Variants in TDRD7 observed in about 807,000 individuals in gnomAD.
The protein encoded by TDRD7 is tudor domain containing 7.
In TDRD7, 47 loss-of-function variants were observed where a neutral mutation model predicts 109.8. The ratio of observed to expected loss-of-function variants is 0.43; its 90% CI spans 0.34 to 0.55. The LOEUF is 0.55. Ranked by LOEUF, TDRD7 falls within the 20% of genes least tolerant of loss-of-function variation. The pLI is 0.03. For missense variants in TDRD7, 1,164 were observed against 1,319.2 expected, an observed-to-expected ratio of 0.88 and a Z score of 1.82; for synonymous variants, 424 against 457.3, an observed-to-expected ratio of 0.93 and a Z score of 0.93.
At chr9:97,429,621 A>G (rs1442391097) in intron 2 of TDRD7, among the ~76,000 whole-genome samples, 1 of 152,234 alleles carries the variant, frequency 6.6e-6, no homozygotes, top group Non-Finnish European at 1.5e-5. Flanking sequence ...ATATAAATTA[A>G]TTAAATGTTA....
chr9:97,481,417 C>G (rs1278144145), intron 14 of TDRD7, among the ~76,000 whole-genome samples: 1 of 152,198 alleles, frequency 6.6e-6, no homozygotes, highest in Non-Finnish European at 1.5e-5. Flanking sequence ...ACTTATTTCA[C>G]TAGCTCTTGT....
chr9:97,494,423 T>A (rs1458199928), intron 16 of TDRD7, among the ~76,000 whole-genome samples: 1 of 152,182 alleles, frequency 6.6e-6, no homozygotes, highest in Non-Finnish European at 1.5e-5. Context: ...TGTGGAATCA[T>A]CTTTTACCTT....
chr9:97,480,960 G>C, intron 14 of TDRD7, 22 bp downstream of exon 14: 1 of 1,598,274 alleles, frequency 6.3e-7, no homozygotes, highest in Non-Finnish European at 8.6e-7. Context: ...TGTTGGGCCT[G>C]ATACATTTAG....
intron 16 of TDRD7, 107 bp downstream of exon 16, chr9:97,487,439 T>G: frequency 6.6e-7 from 1 of 1,511,280 alleles, no homozygotes; most frequent in Non-Finnish European, 9.2e-7. Context: ...TTAGGTATGT[T>G]GGGTTTTTGT....
At chr9:97,435,968 A>G (rs998378329) in intron 4 of TDRD7, among the ~76,000 whole-genome samples, 10 of 152,194 alleles carry the variant, frequency 6.6e-5, no homozygotes, top group Non-Finnish European at 1.5e-4. Context: ...AAATTCACAC[A>G]TGTACATTTA....
intron 1 of TDRD7, among the ~76,000 whole-genome samples, chr9:97,414,594 T>G (rs1024168459): frequency 2.0e-5 from 3 of 152,230 alleles, no homozygotes; most frequent in Non-Finnish European, 4.4e-5. Context: ...CTCAGGGTTT[T>G]TTCGTCTAGT....
At position 97,478,426 on chromosome 9, in the gene TDRD7, TATCTC is replaced by T; in HGVS notation, c.2167-10_2167-6del. On this transcript the variant is annotated splice_polypyrimidine_tract_variant and splice_region_variant and intron_variant, in intron 12 of 16. Coordinates refer to ENST00000355295, the MANE Select transcript of TDRD7 (RefSeq NM_014290.3). ...ATATGCTAATAAATGAGCCAACACT[TATCTC>T]ATTTCAGATCACAAATGTTCACAGC... The T allele has an allele frequency of 6.2e-7, 1 of 1,614,014 alleles. No individual in the cohort carries two copies. Among genetic ancestry groups the T allele is most frequent in the Non-Finnish European group, 8.5e-7 (1 of 1,179,942 alleles).
intron 6 of TDRD7, among the ~76,000 whole-genome samples, chr9:97,446,533 T>A (rs1434984975): frequency 6.6e-6 from 1 of 152,240 alleles, no homozygotes; most frequent in East Asian, 1.9e-4. Context: ...TTACTGTTAA[T>A]CTGGTTTTAT....
chr9:97,452,622 G>C (rs1468617578), intron 6 of TDRD7, among the ~76,000 whole-genome samples: 1 of 152,194 alleles, frequency 6.6e-6, no homozygotes, highest in South Asian at 2.1e-4. Flanking sequence ...TGATTATTTG[G>C]CTATGGTTTG....
intron 8 of TDRD7, among the ~76,000 whole-genome samples, chr9:97,468,985 T>C (rs897934629): frequency 1.3e-5 from 2 of 152,206 alleles, no homozygotes; most frequent in African/African-American, 4.8e-5. Flanking sequence ...ACATGTATGA[T>C]TAAAAACAAG....
chr9:97,431,976 G>T, intron 3 of TDRD7, 49 bp from the exon 4 acceptor site: 1 of 1,512,888 alleles, frequency 6.6e-7, no homozygotes, highest in Non-Finnish European at 9.2e-7. Flanking sequence ...TAATGAAAGT[G>T]GGGTTTGGGG....
intron 6 of TDRD7, 39 bp from the exon 7 acceptor site, chr9:97,460,139 A>G (rs1197995425): frequency 6.4e-7 from 1 of 1,565,464 alleles, no homozygotes. Flanking sequence ...GTTTATAGTC[A>G]CTGAAATATC....
chr9:97,430,890 A>G (rs1828092593), intron 2 of TDRD7, 43 bp from the exon 3 acceptor site: 1 of 1,613,092 alleles, frequency 6.2e-7, no homozygotes, highest in East Asian at 2.2e-5. Context: ...GCAACACGGA[A>G]TCTGAGAAAT....
In TDRD7 at chr9:97,470,631, G is replaced by A. The variant is rs777562034; in HGVS notation, c.1703G>A (p.Cys568Tyr). ...SKAYKLNPKF[C>Y]SLSFQATKCK... is the part of the protein sequence containing the mutation. ...GCATACAAATTAAACCCGAAGTTTT[G>A]TTCACTCTCATTTCAAGCTACAAAA... The change falls in exon 9 of 17, where the codon TGT becomes TAT. Residue 568 changes from cysteine to tyrosine, a missense_variant. By Grantham distance (194) the Cys-to-Tyr change is radical. Coordinates refer to ENST00000355295, the MANE Select transcript of TDRD7 (RefSeq NM_014290.3). 18 of 1,613,878 alleles carry A rather than the reference G, an allele frequency of 1.1e-5. No homozygotes were observed. Among genetic ancestry groups the A allele is most frequent in the Non-Finnish European group, 1.5e-5 (18 of 1,179,904 alleles).
chr9:97,468,217 C>T (rs374220071), intron 8 of TDRD7, among the ~76,000 whole-genome samples: 1 of 152,170 alleles, frequency 6.6e-6, no homozygotes, highest in East Asian at 1.9e-4. Flanking sequence ...AGAGAGAATA[C>T]ACGTAGAGAG....
intron 16 of TDRD7, among the ~76,000 whole-genome samples, chr9:97,491,138 G>A (rs560796194): frequency 3.9e-5 from 6 of 152,032 alleles, no homozygotes; most frequent in South Asian, 2.1e-4. Flanking sequence ...GACTGGTCTC[G>A]AACTCCTGAC....
chr9:97,461,968 T>C (rs1828733021), intron 7 of TDRD7, among the ~76,000 whole-genome samples: 1 of 152,238 alleles, frequency 6.6e-6, no homozygotes, highest in Non-Finnish European at 1.5e-5. Flanking sequence ...AGAGTGAACC[T>C]AGTATCTTCA....
chr9:97,434,004 G>GGT (rs1564196989), intron 4 of TDRD7, among the ~76,000 whole-genome samples: 1 of 152,100 alleles, frequency 6.6e-6, no homozygotes, highest in East Asian at 1.9e-4. Context: ...CCCACTACTA[G>GGT]GTATATATTC....
Position 97,487,176 on chromosome 9 carries a change from C to T in TDRD7, c.2920C>T (p.His974Tyr). 6.2e-7 allele frequency: 1 copy of T among 1,613,824 alleles called. No homozygotes were observed. Among genetic ancestry groups the T allele is most frequent in the East Asian group, 2.2e-5 (1 of 44,866 alleles). Reference protein sequence around the residue: ...VYAAKVENKWHRVLLKGILTN... With the variant: ...VYAAKVENKWYRVLLKGILTN... ...TTTAATTTAATGTACATCTAGGTGGCACAGGGTGCTTTTAAAAGGAATCCT... is the reference window on the plus strand; with the variant it reads ...TTTAATTTAATGTACATCTAGGTGGTACAGGGTGCTTTTAAAAGGAATCCT... Residue 974 changes from histidine to tyrosine, a missense_variant, in exon 16 of 17, where the codon CAC becomes TAC. Physicochemically the swap from His to Tyr is moderately conservative, Grantham distance 83. This residue lies in a region of TDRD7 where 162 missense variants were observed against 222.5 expected (regional missense o/e 0.73). Coordinates refer to ENST00000355295, the MANE Select transcript of TDRD7 (RefSeq NM_014290.3).
Sources: allele counts gnomAD v4.1 joint callset (sites outside exome capture counted in the v4.1 genomes callset), GRCh38; gene constraint gnomAD v4.1.1; regional missense constraint gnomAD v4.1.1; transcripts MANE v1.5; gene names NCBI Gene and HGNC (gene_info 2026-07-23, HGNC 2026-07-21).